The following MAP3K7 variants were observed in gnomAD, a reference collection of about 807,000 sequenced individuals.
MAP3K7 encodes the protein TGF-beta activated kinase 1.
A neutral mutation model predicts 84.8 loss-of-function variants in MAP3K7; 21 were observed. The ratio of observed to expected loss-of-function variants is 0.25; its 90% confidence interval spans 0.18 to 0.36. The LOEUF (loss-of-function observed/expected upper bound fraction) is 0.36, where lower values mean the gene tolerates loss of function less well. Ranked by LOEUF, MAP3K7 falls within the 10% of genes least tolerant of loss-of-function variation. The probability of loss-of-function intolerance (pLI) is 1.00; values close to 1 mark genes in which losing one functional copy is unlikely to be tolerated. For synonymous variants in MAP3K7, 241 were observed against 247.7 expected, an observed-to-expected ratio of 0.97 and a Z score of 0.25; for missense variants, 503 against 747.7, an observed-to-expected ratio of 0.67 and a Z score of 3.82.
intron 14 of MAP3K7, among the ~76,000 whole-genome samples, chr6:90,522,190 T>C (rs527741785): frequency 1.6e-4 from 24 of 152,138 alleles, no homozygotes; most frequent in Non-Finnish European, 2.8e-4. Context: ...CAATTGGTAT[T>C]TTGTGGTGTT....
chr6:90,582,135 G>C (rs1474645084), intron 1 of MAP3K7, among the ~76,000 whole-genome samples: 3 of 152,082 alleles, frequency 2.0e-5, no homozygotes, highest in Admixed American at 1.3e-4. Flanking sequence ...ACCATACGTG[G>C]CTTACTCATA....
intron 12 of MAP3K7, among the ~76,000 whole-genome samples, chr6:90,538,517 G>A (rs1446800309): frequency 6.6e-6 from 1 of 151,874 alleles, no homozygotes; most frequent in African/African-American, 2.4e-5. Context: ...ACCTGCATAT[G>A]CTATCCTGAG....
intron 9 of MAP3K7, among the ~76,000 whole-genome samples, chr6:90,549,557 T>A (rs1226557861): frequency 6.6e-6 from 1 of 152,040 alleles, no homozygotes; most frequent in Non-Finnish European, 1.5e-5. Context: ...AGAATTATAA[T>A]AGTTGATTGG....
chr6:90,586,952 A>C lies in MAP3K7; in HGVS notation c.-69T>G, dbSNP rs959122336. The C allele has an allele frequency of 8.8e-6, 13 of 1,473,600 alleles. No homozygotes were observed. The East Asian group carries it at 1.3e-4, about 15-fold the overall frequency. 91.3% of individuals were successfully genotyped at this position (1,473,600 alleles called of 1,614,324 possible). A position where few individuals can be genotyped will look rare whatever the true frequency, so the allele number is the denominator to read the frequency against. On this transcript the variant is annotated 5_prime_UTR_variant, in exon 1 of 17. Coordinates refer to ENST00000369329, the MANE Select transcript of MAP3K7 (RefSeq NM_145331.3). ...GACAATCCGGGTGAGACCCGCGCCCACCCGCCTCCGGACCGACCCTCAGCC... is the reference window on the plus strand; with the variant it reads ...GACAATCCGGGTGAGACCCGCGCCCCCCCGCCTCCGGACCGACCCTCAGCC...
chr6:90,541,204 AG>A (rs1215830361), intron 12 of MAP3K7, among the ~76,000 whole-genome samples: 1 of 152,036 alleles, frequency 6.6e-6, no homozygotes, highest in African/African-American at 2.4e-5. Context: ...ACTGGCTGAA[AG>A]GAGAAAGGAT....
intron 9 of MAP3K7, among the ~76,000 whole-genome samples, chr6:90,549,470 T>C (rs946935074): frequency 2.6e-5 from 4 of 152,124 alleles, no homozygotes; most frequent in Admixed American, 2.6e-4. Context: ...GTAAGCCGAG[T>C]GTCAGCTTTC....
chr6:90,529,154 T>G (rs1775417427), intron 13 of MAP3K7, among the ~76,000 whole-genome samples: 1 of 152,236 alleles, frequency 6.6e-6, no homozygotes, highest in African/African-American at 2.4e-5. Context: ...AAATTCTCAC[T>G]CTGGCATTCA....
chr6:90,578,186 C>T (rs926062041), intron 1 of MAP3K7, among the ~76,000 whole-genome samples: 3 of 152,170 alleles, frequency 2.0e-5, no homozygotes, highest in East Asian at 1.9e-4. Flanking sequence ...CATAATTAAA[C>T]AGTAGTTTAT....
chr6:90,576,948 G>A (rs938418132), intron 1 of MAP3K7, among the ~76,000 whole-genome samples: 2 of 152,184 alleles, frequency 1.3e-5, no homozygotes, highest in African/African-American at 4.8e-5. Context: ...CAGTCTAAGT[G>A]CAATGTGAAG....
intron 1 of MAP3K7, 67 bp downstream of exon 1, chr6:90,586,697 C>T: frequency 6.5e-7 from 1 of 1,533,590 alleles, no homozygotes; most frequent in Non-Finnish European, 8.8e-7. Context: ...ACCTTCAGAG[C>T]CGGCACCAGG....
rs780052176 is a variant in MAP3K7, at chr6:90,516,388, G to C, written c.*113C>G. The C allele has an allele frequency of 2.7e-5, 27 of 1,013,948 alleles. 1 individual carries two copies. The highest frequency in any genetic ancestry group is 4.0e-5 in the Non-Finnish European group (27 of 668,914). 62.8% of individuals were successfully genotyped at this position (1,013,948 alleles called of 1,614,324 possible). On this transcript the variant is annotated 3_prime_UTR_variant, in exon 17 of 17. Coordinates refer to ENST00000369329, the MANE Select transcript of MAP3K7 (RefSeq NM_145331.3). ...AAAATGCAGCAAATATAGGCAGTTG[G>C]CATTCAGAACACGCCAAAAAGCTAA...
intron 13 of MAP3K7, among the ~76,000 whole-genome samples, chr6:90,534,388 C>T (rs901981574): frequency 6.6e-6 from 1 of 152,066 alleles, no homozygotes; most frequent in African/African-American, 2.4e-5. Flanking sequence ...CATTTTAAGG[C>T]TATAACACAA....
intron 13 of MAP3K7, among the ~76,000 whole-genome samples, chr6:90,534,451 C>T (rs747627457): frequency 1.6e-4 from 24 of 152,184 alleles, no homozygotes; most frequent in African/African-American, 5.3e-4. Context: ...AATGGTCATA[C>T]ATCACCTGTT....
At chr6:90,533,256 C>T (rs1427190684) in intron 13 of MAP3K7, among the ~76,000 whole-genome samples, 1 of 152,108 alleles carries the variant, frequency 6.6e-6, no homozygotes, top group Admixed American at 6.6e-5. Flanking sequence ...GAGGTCCTTG[C>T]GGAATAGGCT....
chr6:90,517,884 A>G (rs1775019465), intron 16 of MAP3K7, among the ~76,000 whole-genome samples: 1 of 151,726 alleles, frequency 6.6e-6, no homozygotes, highest in South Asian at 2.1e-4. Context: ...CCAACAATTC[A>G]GTTACCTAAG....
chr6:90,522,233 G>C (rs1420222169), intron 14 of MAP3K7, among the ~76,000 whole-genome samples: 1 of 152,128 alleles, frequency 6.6e-6, no homozygotes, highest in Non-Finnish European at 1.5e-5. Flanking sequence ...AATGGGACGG[G>C]AGTTGGAAGG....
In MAP3K7 at chr6:90,547,251, T is replaced by C; in HGVS notation, c.1210+7A>G. ...TTTCACTCTTCAGACTTGTAGTTCC[T>C]TTTTACCTGTGGTTGCGGCGATCCT... On this transcript the variant is annotated splice_region_variant and intron_variant, in intron 11 of 16. Coordinates refer to ENST00000369329, the MANE Select transcript of MAP3K7 (RefSeq NM_145331.3). The C allele has an allele frequency of 6.2e-7, 1 of 1,613,174 alleles. No individual in the cohort carries two copies. The highest frequency in any genetic ancestry group is 8.5e-7 in the Non-Finnish European group (1 of 1,179,536).
At chr6:90,540,573 CTAA>C (rs1336865773) in intron 12 of MAP3K7, among the ~76,000 whole-genome samples, 1 of 151,888 alleles carries the variant, frequency 6.6e-6, no homozygotes, top group African/African-American at 2.4e-5. Context: ...GTGCAGAAGA[CTAA>C]TGTTTAATTA....
At chr6:90,561,700 A>G (rs749109088) in intron 3 of MAP3K7, 33 bp from the exon 4 acceptor site, 1 of 1,519,244 alleles carries the variant, frequency 6.6e-7, no homozygotes, top group Non-Finnish European at 9.1e-7. Context: ...GCATTAACCA[A>G]GAAGCTCCAT....
Sources: allele counts gnomAD v4.1 joint callset (sites outside exome capture counted in the v4.1 genomes callset), GRCh38; gene constraint gnomAD v4.1.1; transcripts MANE v1.5; gene names NCBI Gene and HGNC (gene_info 2026-07-23, HGNC 2026-07-21).